Variants in KAZN observed in about 807,000 individuals in gnomAD.
KAZN encodes the protein kazrin, periplakin interacting protein.
Under a neutral mutation model 87.4 loss-of-function variants are expected in KAZN, and 40 were observed. That is an observed-to-expected ratio of 0.46 (90% CI 0.36 to 0.60). KAZN has a LOEUF of 0.60. KAZN is among the 20% of genes least tolerant of loss of function. The probability of loss-of-function intolerance (pLI) is 0.00; values close to 1 mark genes in which losing one functional copy is unlikely to be tolerated. For synonymous variants in KAZN, 466 were observed against 458.3 expected (o/e 1.02, Z -0.22); for missense variants, 898 against 1,073.9 (o/e 0.84, Z 2.29).
chr1:14,784,975 T>A (rs910648394), intron 1 of KAZN, among the ~76,000 whole-genome samples: 1 of 151,186 alleles, frequency 6.6e-6, no homozygotes, highest in African/African-American at 2.5e-5. Context: ...CTTACTTTTT[T>A]TTTTTTTTTT....
chr1:14,690,950 A>T (rs1641253916), intron 1 of KAZN, among the ~76,000 whole-genome samples: 1 of 152,184 alleles, frequency 6.6e-6, no homozygotes, highest in South Asian at 2.1e-4. Flanking sequence ...TTTGCTGGAT[A>T]AGACCACTTG....
At chr1:14,216,765 G>A (rs1414429664) in intron 2 of KAZN, among the ~76,000 whole-genome samples, 1 of 152,050 alleles carries the variant, frequency 6.6e-6, no homozygotes, top group Non-Finnish European at 1.5e-5. Context: ...TTAGCTGGGA[G>A]TGGTGGTGGG....
intron 1 of KAZN, among the ~76,000 whole-genome samples, chr1:13,900,630 C>T (rs539486415): frequency 6.6e-6 from 1 of 152,260 alleles, no homozygotes; most frequent in South Asian, 2.1e-4. Flanking sequence ...CTCCAGAGAC[C>T]TATTTGTCAG....
At chr1:14,663,601 C>T (rs1045217614) in intron 1 of KAZN, among the ~76,000 whole-genome samples, 20 of 151,984 alleles carry the variant, frequency 1.3e-4, no homozygotes, top group African/African-American at 4.3e-4. Flanking sequence ...TGAGTTATAC[C>T]AATTAGGATG....
At chr1:14,119,779 A>C (rs1644711080) in intron 1 of KAZN, among the ~76,000 whole-genome samples, 1 of 152,206 alleles carries the variant, frequency 6.6e-6, no homozygotes, top group Admixed American at 6.5e-5. Flanking sequence ...CACTGTGCAC[A>C]TCTGTCTCGT....
chr1:13,962,978 G>A (rs1641811648), intron 1 of KAZN, among the ~76,000 whole-genome samples: 1 of 152,204 alleles, frequency 6.6e-6, no homozygotes, highest in Admixed American at 6.5e-5. Flanking sequence ...GTGTTCTGGT[G>A]ACGGAGAAGT....
chr1:14,323,630 C>T (rs1012880602), intron 2 of KAZN, among the ~76,000 whole-genome samples: 1 of 152,134 alleles, frequency 6.6e-6, no homozygotes, highest in Non-Finnish European at 1.5e-5. Flanking sequence ...CTCACTGCCT[C>T]CCTTTATTCT....
intron 1 of KAZN, among the ~76,000 whole-genome samples, chr1:13,920,721 G>T (rs1640034219): frequency 1.3e-5 from 2 of 152,088 alleles, no homozygotes; most frequent in South Asian, 4.1e-4. Flanking sequence ...GATGTCTCTG[G>T]TTGGAGGGGA....
chr1:14,275,444 C>CTGTGTGTG (rs60684981), intron 2 of KAZN, among the ~76,000 whole-genome samples: 7,184 of 136,822 alleles, frequency 0.053, 227 homozygotes, highest in Non-Finnish European at 0.064. Context: ...GTGGTAAATA[C>CTGTGTGTG]TGTGTGTGTG....
chr1:14,559,074 C>T (rs1055428004), intron 2 of KAZN, among the ~76,000 whole-genome samples: 1 of 152,144 alleles, frequency 6.6e-6, no homozygotes, highest in African/African-American at 2.4e-5. Flanking sequence ...AGCTCAAGCA[C>T]CTCCTATAAA....
intron 1 of KAZN, among the ~76,000 whole-genome samples, chr1:13,918,819 G>T (rs535954921): frequency 6.6e-6 from 1 of 152,184 alleles, no homozygotes; most frequent in Non-Finnish European, 1.5e-5. Flanking sequence ...GCTCAGAAGA[G>T]TATTAGCATT....
chr1:14,984,764 G>A lies in KAZN; in HGVS notation c.418+23889G>A, dbSNP rs180889325. 4.5e-4 allele frequency among the ~76,000 whole-genome samples: 68 copies of A among 152,274 alleles called. 1 individual carries two copies. Among genetic ancestry groups the A allele is most frequent in the Admixed American group, 1.6e-3 (25 of 15,284 alleles). On this transcript the variant is annotated intron_variant, in intron 2 of 14. Coordinates refer to ENST00000376030, the MANE Select transcript of KAZN (RefSeq NM_201628.3). ...AGCAAGAATGCATTCAAAGACAGAT[G>A]GGTCCAAAAGACCCAGGCACTGGCT...
chr1:14,846,984 G>T (rs1042472950), intron 1 of KAZN, among the ~76,000 whole-genome samples: 1 of 152,096 alleles, frequency 6.6e-6, no homozygotes, highest in Non-Finnish European at 1.5e-5. Flanking sequence ...CCTCTAAATG[G>T]GTTTTTTACA....
At chr1:14,296,520 G>C (rs1042543207) in intron 2 of KAZN, among the ~76,000 whole-genome samples, 1 of 151,984 alleles carries the variant, frequency 6.6e-6, no homozygotes, top group East Asian at 1.9e-4. Context: ...CATTCAGGGA[G>C]CATGAGCCCT....
intron 1 of KAZN, among the ~76,000 whole-genome samples, chr1:14,124,583 A>G (rs1644821866): frequency 6.6e-6 from 1 of 152,242 alleles, no homozygotes; most frequent in Non-Finnish European, 1.5e-5. Context: ...AAACTCACAC[A>G]GAAAAAGAAG....
intron 14 of KAZN, 39 bp downstream of exon 14, chr1:15,112,580 C>A: frequency 6.8e-7 from 1 of 1,467,086 alleles, no homozygotes; most frequent in Non-Finnish European, 9.4e-7. Flanking sequence ...GTCCTGCAGA[C>A]CCGGGAAAGG....
intron 1 of KAZN, among the ~76,000 whole-genome samples, chr1:14,754,355 G>A (rs572653303): frequency 8.5e-5 from 13 of 152,316 alleles, no homozygotes; most frequent in South Asian, 6.2e-4. Context: ...TCCATGGGCC[G>A]GATGTGGTGG....
intron 1 of KAZN, among the ~76,000 whole-genome samples, chr1:14,678,949 C>T (rs1386554935): frequency 6.6e-6 from 1 of 152,214 alleles, no homozygotes; most frequent in Non-Finnish European, 1.5e-5. Flanking sequence ...AGATTAATTA[C>T]ATAATCCCAA....
Position 14,449,274 on chromosome 1 carries a change from C to T in KAZN, c.250-149709C>T, listed in dbSNP as rs60392191. On this transcript the variant is annotated intron_variant, in intron 2 of 16. Transcript: ENST00000636203. ...GGCTTCATTATCAAGTAAGCTGCCC[C>T]ACGAGTTGCTGGAATGGCTGCTGGC... Among the ~76,000 whole-genome samples, 846 of 152,298 alleles carry T rather than the reference C, an allele frequency of 5.6e-3. 4 individuals carry two copies. Among genetic ancestry groups the T allele is most frequent in the African/African-American group, 0.02 (816 of 41,558 alleles).
Sources: allele counts gnomAD v4.1 joint callset (sites outside exome capture counted in the v4.1 genomes callset), GRCh38; gene constraint gnomAD v4.1.1; transcripts MANE v1.5; gene names NCBI Gene and HGNC (gene_info 2026-07-23, HGNC 2026-07-21).